OCA2: variants seen among roughly 807,000 people sequenced by gnomAD.
OCA2 encodes P protein.
In OCA2, 77 loss-of-function variants were observed where a neutral mutation model predicts 100.2. That is an observed-to-expected ratio of 0.77 (90% CI 0.64 to 0.93). The LOEUF (loss-of-function observed/expected upper bound fraction) is 0.93, where lower values mean the gene tolerates loss of function less well. Among genes scored for constraint, OCA2 ranks in the 40% least tolerant of loss-of-function variants. OCA2 has a pLI of 0.00. For missense variants in OCA2, 1,062 were observed against 1,089.1 expected, an observed-to-expected ratio of 0.98 and a Z score of 0.35; for synonymous variants, 432 against 439.2, an observed-to-expected ratio of 0.98 and a Z score of 0.21.
At chr15:27,862,317 C>T (rs113366652) in intron 21 of OCA2, among the ~76,000 whole-genome samples, 2,696 of 152,146 alleles carry the variant, frequency 0.018, 87 homozygotes, top group African/African-American at 0.061. Flanking sequence ...AGCCTCGAGT[C>T]CTCACGGACA....
chr15:27,970,787 C>CT (rs2040755054), intron 14 of OCA2, among the ~76,000 whole-genome samples: 1 of 151,980 alleles, frequency 6.6e-6, no homozygotes, highest in Admixed American at 6.5e-5. Context: ...CACAGTATGG[C>CT]AGGGAAAGCC....
At chr15:27,970,510 C>T (rs1470657985) in intron 14 of OCA2, among the ~76,000 whole-genome samples, 1 of 152,114 alleles carries the variant, frequency 6.6e-6, no homozygotes, top group East Asian at 1.9e-4. Context: ...AAGAAGGTCC[C>T]AGCACACACA....
chr15:28,000,707 A>G (rs1469759293), intron 9 of OCA2, among the ~76,000 whole-genome samples: 2 of 152,186 alleles, frequency 1.3e-5, no homozygotes, highest in South Asian at 2.1e-4. Context: ...TTTGCAAACC[A>G]TATACCTAAT....
At chr15:27,762,352 C>T (rs1447181627) in intron 23 of OCA2, among the ~76,000 whole-genome samples, 1 of 152,260 alleles carries the variant, frequency 6.6e-6, no homozygotes, top group East Asian at 1.9e-4. Flanking sequence ...TAAGCAGCTT[C>T]CCACCATAAA....
At chr15:27,780,076 A>G (rs7182120) in intron 23 of OCA2, among the ~76,000 whole-genome samples, 17,643 of 152,180 alleles carry the variant, frequency 0.12, 1,849 homozygotes, top group African/African-American at 0.28. Flanking sequence ...GCATGACTGA[A>G]AGCAGAGTTC....
At chr15:27,929,840 A>C (rs1371454333) in intron 18 of OCA2, among the ~76,000 whole-genome samples, 1 of 70,936 alleles carries the variant, frequency 1.4e-5, no homozygotes, top group Non-Finnish European at 3.7e-5. Context: ...TTAAACAGAC[A>C]CTTCAACAAA....
At position 28,081,784 on chromosome 15, in the gene OCA2, G is replaced by T; in HGVS notation, c.91C>A (p.Leu31Ile). The change falls in exon 2 of 24, where the codon CTT (leucine) becomes ATT (isoleucine). Residue 31 changes from leucine (L) to isoleucine (I), a missense_variant. Transcript: ENST00000354638. ...QTSVPSGLAE[L>I]VAGKRRLPRG... The stretch of plus-strand genomic sequence containing the variant: ...GGAAGCCTGCGCTTGCCGGCCACAA[G>T]TTCAGCGAGTCCGCTGGGCACGGAC... 6.2e-7 allele frequency: 1 copy of T among 1,613,190 alleles called. No individual in the cohort carries two copies. The highest frequency in any genetic ancestry group is 1.1e-5 in the South Asian group (1 of 91,068).
intron 18 of OCA2, among the ~76,000 whole-genome samples, chr15:27,946,688 G>T (rs916658239): frequency 6.6e-6 from 1 of 152,250 alleles, no homozygotes; most frequent in South Asian, 2.1e-4. Flanking sequence ...AGAAGGAAAA[G>T]TTTTCTCTGC....
intron 7 of OCA2, among the ~76,000 whole-genome samples, chr15:28,018,186 G>T (rs1272674988): frequency 6.6e-6 from 1 of 152,008 alleles, no homozygotes; most frequent in Admixed American, 6.6e-5. Context: ...TTGCAAGCCT[G>T]ATTTTACTGA....
chr15:27,944,785 A>G (rs1463599920), intron 18 of OCA2, among the ~76,000 whole-genome samples: 1 of 152,158 alleles, frequency 6.6e-6, no homozygotes, highest in Non-Finnish European at 1.5e-5. Context: ...CCTCCAAATC[A>G]GAGAGGCAGA....
chr15:27,947,853 C>T (rs936947612), intron 18 of OCA2, among the ~76,000 whole-genome samples: 6 of 152,134 alleles, frequency 3.9e-5, no homozygotes, highest in African/African-American at 1.4e-4. Flanking sequence ...CCTCACTGCC[C>T]GGCCCCCATC....
intron 19 of OCA2, among the ~76,000 whole-genome samples, chr15:27,903,611 C>A (rs1242456956): frequency 6.6e-6 from 1 of 152,228 alleles, no homozygotes; most frequent in East Asian, 1.9e-4. Context: ...CCCTCGCCCC[C>A]TGCTTCCTGC....
intron 2 of OCA2, among the ~76,000 whole-genome samples, chr15:28,050,749 T>C (rs1409944092): frequency 6.6e-6 from 1 of 152,038 alleles, no homozygotes; most frequent in Non-Finnish European, 1.5e-5. Flanking sequence ...GGCAGAACTA[T>C]CCTCTCCTGG....
chr15:27,835,752 G>C (rs1347962388), intron 23 of OCA2, among the ~76,000 whole-genome samples: 1 of 152,146 alleles, frequency 6.6e-6, no homozygotes, highest in Non-Finnish European at 1.5e-5. Flanking sequence ...GTCAGTGTGA[G>C]GCCCTCATTC....
intron 23 of OCA2, among the ~76,000 whole-genome samples, chr15:27,770,587 C>A (rs1167128331): frequency 6.6e-6 from 1 of 151,996 alleles, no homozygotes; most frequent in Non-Finnish European, 1.5e-5. Context: ...CGGTGCCCAG[C>A]GCAGCTGCCC....
intron 23 of OCA2, among the ~76,000 whole-genome samples, chr15:27,815,228 C>T (rs1354408006): frequency 4.6e-5 from 7 of 152,126 alleles, no homozygotes; most frequent in African/African-American, 1.4e-4. Flanking sequence ...CTCTGTGGTG[C>T]GTCACAGCAG....
intron 9 of OCA2, among the ~76,000 whole-genome samples, chr15:28,014,080 G>A (rs1444845951): frequency 6.6e-6 from 1 of 152,104 alleles, no homozygotes; most frequent in Admixed American, 6.5e-5. Flanking sequence ...CCTATCCCAA[G>A]CTCACTAGGA....
intron 21 of OCA2, among the ~76,000 whole-genome samples, chr15:27,869,697 GGCT>G (rs1483845229): frequency 6.6e-6 from 1 of 152,296 alleles, no homozygotes; most frequent in East Asian, 1.9e-4. Flanking sequence ...CACTGATGGA[GGCT>G]GTGTCGGGGT....
At chr15:28,094,617 T>C (rs1460963744) in intron 1 of OCA2, among the ~76,000 whole-genome samples, 1 of 152,056 alleles carries the variant, frequency 6.6e-6, no homozygotes, top group Non-Finnish European at 1.5e-5. Flanking sequence ...GTCCTCACAC[T>C]CAACCCCAAA....
Sources: gnomAD v4.1 joint callset for allele counts (sites outside exome capture counted in the v4.1 genomes callset) on GRCh38, gnomAD v4.1.1 for gene constraint, MANE v1.5 for transcripts, NCBI Gene and HGNC (gene_info 2026-07-23, HGNC 2026-07-21) for gene names.